Variants in ARMC2 observed in about 807,000 individuals in gnomAD.
ARMC2 encodes armadillo repeat-containing protein 2.
In ARMC2, 67 loss-of-function variants were observed where a neutral mutation model predicts 90.3. That is an observed-to-expected ratio of 0.74 (90% confidence interval 0.61 to 0.91). The LOEUF (loss-of-function observed/expected upper bound fraction) is 0.91, where lower values mean the gene tolerates loss of function less well. Among genes scored for constraint, ARMC2 ranks in the 40% least tolerant of loss-of-function variants. The pLI, the probability that ARMC2 is intolerant of heterozygous loss-of-function variation, is 0.00. For synonymous variants in ARMC2, 393 were observed against 393.0 expected, an observed-to-expected ratio of 1.00 and a Z score of 0.00; for missense variants, 920 against 1,030.9, an observed-to-expected ratio of 0.89 and a Z score of 1.47.
rs1778275824 is a variant in ARMC2, at chr6:108,965,192, GT to G, written c.2446+59del. The G allele has an allele frequency of 2.7e-6, 4 of 1,497,590 alleles. No homozygotes were observed. The South Asian group carries it at 4.9e-5, about 18-fold the overall frequency. 92.8% of individuals were successfully genotyped at this position (1,497,590 alleles called of 1,614,324 possible). On this transcript the variant is annotated intron_variant, in intron 17 of 17. Coordinates refer to ENST00000392644, the MANE Select transcript of ARMC2 (RefSeq NM_032131.6). ...GTGAGTTTTATCAGAGTGTGAGATAGTTTTTTTCTGTGACCTGTTCGGATAA... is the reference window on the plus strand; with the variant it reads ...GTGAGTTTTATCAGAGTGTGAGATAGTTTTTTCTGTGACCTGTTCGGATAA...
chr6:109,011,712 T>C, the ARMC2 span, among the ~76,000 whole-genome samples: 1 of 151,724 alleles, frequency 6.6e-6, no homozygotes, highest in Non-Finnish European at 1.5e-5. Context: ...CACTGCAGCC[T>C]TGACCTCCAG....
At chr6:109,050,147 G>T in the ARMC2 span, among the ~76,000 whole-genome samples, 1 of 152,094 alleles carries the variant, frequency 6.6e-6, no homozygotes, top group Non-Finnish European at 1.5e-5. Flanking sequence ...AGGTTTTATG[G>T]GATGACACAA....
intron 17 of ARMC2, among the ~76,000 whole-genome samples, chr6:108,965,541 T>C (rs1307867003): frequency 6.6e-6 from 1 of 152,184 alleles, no homozygotes; most frequent in African/African-American, 2.4e-5. Flanking sequence ...ATTAGCTACG[T>C]TAATTATCAT....
downstream of ARMC2, among the ~76,000 whole-genome samples, chr6:108,975,271 C>T (rs1056407016): frequency 4.6e-5 from 7 of 152,030 alleles, no homozygotes; most frequent in South Asian, 6.2e-4. Flanking sequence ...TTTTCTGTTC[C>T]TGTGTTAGTT....
chr6:109,002,179 A>T, the ARMC2 span: 1 of 1,018,128 alleles, frequency 9.8e-7, no homozygotes, highest in East Asian at 2.5e-5. Flanking sequence ...TGACTAAAAC[A>T]TGTTGTTGAC....
chr6:108,880,509 T>G (rs1777417544), intron 5 of ARMC2, among the ~76,000 whole-genome samples: 1 of 152,148 alleles, frequency 6.6e-6, no homozygotes, highest in African/African-American at 2.4e-5. Flanking sequence ...TTTCACAGCC[T>G]TATGGAGAGA....
the ARMC2 span, among the ~76,000 whole-genome samples, chr6:109,013,097 A>AG: frequency 1.3e-5 from 2 of 151,430 alleles, no homozygotes; most frequent in East Asian, 1.9e-4. Flanking sequence ...GCCTGGCAAC[A>AG]GGGAAAAAAA....
intron 4 of ARMC2, among the ~76,000 whole-genome samples, chr6:108,875,605 CT>C (rs1207195235): frequency 6.6e-6 from 1 of 152,180 alleles, no homozygotes; most frequent in East Asian, 1.9e-4. Flanking sequence ...TACTTTTATA[CT>C]TTGCTTTTTT....
At chr6:109,046,536 G>A in the ARMC2 span, among the ~76,000 whole-genome samples, 6 of 146,576 alleles carry the variant, frequency 4.1e-5, no homozygotes, top group Non-Finnish European at 9.1e-5. Context: ...GTCTCTGCCT[G>A]GCCACCCATC....
At chr6:108,927,857 G>T (rs1483583977) in intron 10 of ARMC2, among the ~76,000 whole-genome samples, 1 of 152,148 alleles carries the variant, frequency 6.6e-6, no homozygotes, top group Non-Finnish European at 1.5e-5. Flanking sequence ...TATACCAATT[G>T]CTTACTAAGA....
chr6:108,990,523 A>T, the ARMC2 span: 24 of 858,002 alleles, frequency 2.8e-5, no homozygotes, highest in African/African-American at 4.0e-4. Context: ...GCATAAAAAT[A>T]AGTTATTGGG....
the ARMC2 span, among the ~76,000 whole-genome samples, chr6:109,005,002 G>C: frequency 6.6e-6 from 1 of 152,148 alleles, no homozygotes; most frequent in Non-Finnish European, 1.5e-5. Context: ...CAACCGCTAG[G>C]AAGGGCAATT....
At chr6:108,951,110 C>T (rs141647272) in intron 12 of ARMC2, among the ~76,000 whole-genome samples, 3 of 152,342 alleles carry the variant, frequency 2.0e-5, no homozygotes, top group African/African-American at 7.2e-5. Context: ...ATTTTGCAAA[C>T]AAGTTAATGG....
chr6:108,994,437 T>C, the ARMC2 span: 1 of 1,565,576 alleles, frequency 6.4e-7, no homozygotes. Context: ...AATAATTATA[T>C]TGACTATATA....
the ARMC2 span, among the ~76,000 whole-genome samples, chr6:108,995,819 A>G: frequency 3.3e-5 from 5 of 151,696 alleles, no homozygotes; most frequent in Non-Finnish European, 7.4e-5. Context: ...TCAAATCTCA[A>G]TGTATACATA....
intron 5 of ARMC2, among the ~76,000 whole-genome samples, chr6:108,891,484 G>C (rs1771018449): frequency 6.6e-6 from 1 of 152,156 alleles, no homozygotes; most frequent in African/African-American, 2.4e-5. Context: ...GTTTTGATTT[G>C]CATTTCTCTA....
chr6:108,872,808 A>G (rs1391896734), intron 4 of ARMC2, among the ~76,000 whole-genome samples: 2 of 152,190 alleles, frequency 1.3e-5, no homozygotes, highest in Non-Finnish European at 2.9e-5. Flanking sequence ...GTTCCAGGGA[A>G]CTCCAGGGAA....
At chr6:108,934,844 TTTTA>T (rs1775831258) in intron 11 of ARMC2, among the ~76,000 whole-genome samples, 1 of 152,224 alleles carries the variant, frequency 6.6e-6, no homozygotes, top group Non-Finnish European at 1.5e-5. Context: ...TTATGTCCCC[TTTTA>T]TTTATTTTTC....
At chr6:109,019,198 C>T in the ARMC2 span, among the ~76,000 whole-genome samples, 2 of 152,106 alleles carry the variant, frequency 1.3e-5, no homozygotes, top group South Asian at 4.1e-4. Flanking sequence ...TTTACACACA[C>T]ACACAAACAC....
Sources: allele counts gnomAD v4.1 joint callset (sites outside exome capture counted in the v4.1 genomes callset), GRCh38; gene constraint gnomAD v4.1.1; transcripts MANE v1.5; gene names NCBI Gene and HGNC (gene_info 2026-07-23, HGNC 2026-07-21).